Variants in CNTLN observed in about 807,000 individuals in gnomAD.
CNTLN encodes centlein.
A neutral mutation model predicts 180.0 loss-of-function variants in CNTLN; 212 were observed. The ratio of observed to expected loss-of-function variants is 1.18; its 90% CI spans 1.05 to 1.32. CNTLN has a LOEUF of 1.32. Among genes scored for constraint, CNTLN ranks in the 40% most tolerant of loss-of-function variants. The pLI is 0.00. For synonymous variants in CNTLN, 722 were observed against 563.1 expected, an observed-to-expected ratio of 1.28 and a Z score of -3.99; for missense variants, 2,095 against 1,610.9, an observed-to-expected ratio of 1.30 and a Z score of -5.14.
chr9:17,139,779 A>C (rs1226280936), intron 1 of CNTLN, among the ~76,000 whole-genome samples: 1 of 152,078 alleles, frequency 6.6e-6, no homozygotes, highest in Non-Finnish European at 1.5e-5. Context: ...ATCATGGCTC[A>C]TTGCAGCGTT....
downstream of CNTLN, among the ~76,000 whole-genome samples, chr9:17,504,378 A>G (rs1418713507): frequency 6.6e-6 from 1 of 152,204 alleles, no homozygotes; most frequent in Non-Finnish European, 1.5e-5. Flanking sequence ...TTACGACAGA[A>G]TTTTATTACA....
At chr9:17,369,153 G>A (rs910337447) in intron 13 of CNTLN, among the ~76,000 whole-genome samples, 3 of 152,092 alleles carry the variant, frequency 2.0e-5, no homozygotes, top group East Asian at 3.9e-4. Context: ...TCTCATGATA[G>A]TGAGTGAGTT....
intron 6 of CNTLN, among the ~76,000 whole-genome samples, chr9:17,274,453 A>G (rs901767480): frequency 7.2e-6 from 1 of 138,774 alleles, no homozygotes; most frequent in African/African-American, 2.7e-5. Context: ...TCATAGATCA[A>G]TATCTATCTA....
intron 2 of CNTLN, among the ~76,000 whole-genome samples, chr9:17,197,609 T>G (rs1414518886): frequency 1.3e-5 from 2 of 152,188 alleles, no homozygotes; most frequent in Non-Finnish European, 2.9e-5. Context: ...ATACAGTTGT[T>G]TGAGTTTCTT....
intron 2 of CNTLN, among the ~76,000 whole-genome samples, chr9:17,161,601 A>G (rs1043235468): frequency 1.3e-5 from 2 of 152,226 alleles, no homozygotes; most frequent in East Asian, 1.9e-4. Flanking sequence ...TGCCTTAGAC[A>G]CAAATTTCAT....
Position 17,462,981 on chromosome 9 carries a change from A to G in CNTLN, c.3372A>G (p.Ala1124=). Residue 1124 remains alanine (A), a synonymous_variant, in exon 20 of 26, where the codon GCA becomes GCG. Coordinates refer to ENST00000380647, the MANE Select transcript of CNTLN (RefSeq NM_017738.4). The part of the protein sequence containing the change: ...NVKTLKFELL[A]KEEHIKEMHE... The stretch of plus-strand genomic sequence containing the variant: ...AGACTTTGAAATTTGAACTCCTAGC[A>G]AAAGAAGAACACATAAAGGAAATGC... The G allele has an allele frequency of 6.3e-7, 1 of 1,586,326 alleles. No homozygotes were observed.
intron 10 of CNTLN, among the ~76,000 whole-genome samples, chr9:17,336,636 G>A (rs1347773413): frequency 6.6e-6 from 1 of 152,144 alleles, no homozygotes; most frequent in Non-Finnish European, 1.5e-5. Flanking sequence ...TAAGACTTAT[G>A]TAAACACTCT....
intron 5 of CNTLN, among the ~76,000 whole-genome samples, chr9:17,253,309 G>A (rs373619248): frequency 6.6e-6 from 1 of 151,606 alleles, no homozygotes; most frequent in Non-Finnish European, 1.5e-5. Context: ...TGTGAAAAAT[G>A]ATGTTGGTAG....
At chr9:17,409,183 G>C in intron 15 of CNTLN, 110 bp from the exon 16 acceptor site, 1 of 933,118 alleles carries the variant, frequency 1.1e-6, no homozygotes, top group Non-Finnish European at 1.6e-6. Context: ...CGTTAAACTT[G>C]CAGTTTTATA....
At chr9:17,206,441 G>A (rs1019293257) in intron 2 of CNTLN, among the ~76,000 whole-genome samples, 2 of 152,078 alleles carry the variant, frequency 1.3e-5, no homozygotes, top group African/African-American at 4.8e-5. Context: ...CCCAAGGAGG[G>A]GTTTGTGCCT....
At chr9:17,296,919 G>A (rs775521935) in intron 6 of CNTLN, among the ~76,000 whole-genome samples, 2 of 152,102 alleles carry the variant, frequency 1.3e-5, no homozygotes, top group South Asian at 2.1e-4. Flanking sequence ...AACTGTCTCC[G>A]TATCTCTTTT....
At chr9:17,422,801 G>T (rs1036505187) in intron 18 of CNTLN, among the ~76,000 whole-genome samples, 2 of 152,260 alleles carry the variant, frequency 1.3e-5, no homozygotes, top group Non-Finnish European at 1.5e-5. Context: ...GCATGAAAGT[G>T]TTAGGTATTT....
chr9:17,196,084 C>T (rs1381613340), intron 2 of CNTLN, among the ~76,000 whole-genome samples: 3 of 152,156 alleles, frequency 2.0e-5, no homozygotes, highest in East Asian at 1.9e-4. Context: ...AGTGCAGTGG[C>T]GCCATCTTAG....
chr9:17,525,931 C>CTATTTT, the CNTLN span, among the ~76,000 whole-genome samples: 28 of 152,092 alleles, frequency 1.8e-4, no homozygotes, highest in African/African-American at 6.7e-4. Flanking sequence ...ATTTATTTTT[C>CTATTTT]TATTTCTATT....
intron 6 of CNTLN, among the ~76,000 whole-genome samples, chr9:17,294,006 G>C (rs1242002294): frequency 6.6e-6 from 1 of 152,166 alleles, no homozygotes; most frequent in Admixed American, 6.5e-5. Context: ...GACCCTTGCG[G>C]TGAGTGTTAC....
intron 10 of CNTLN, among the ~76,000 whole-genome samples, chr9:17,340,230 G>A (rs1821367084): frequency 6.6e-6 from 1 of 152,116 alleles, no homozygotes; most frequent in Non-Finnish European, 1.5e-5. Context: ...TGTTTGGATG[G>A]CTTGTTTTAT....
chr9:17,200,638 G>A (rs1412127176), intron 2 of CNTLN, among the ~76,000 whole-genome samples: 1 of 152,046 alleles, frequency 6.6e-6, no homozygotes, highest in East Asian at 1.9e-4. Flanking sequence ...CTCTCTGCTT[G>A]TCTATTATTG....
chr9:17,140,554 C>T (rs374613121), intron 1 of CNTLN, among the ~76,000 whole-genome samples: 7 of 152,140 alleles, frequency 4.6e-5, no homozygotes, highest in Admixed American at 1.3e-4. Flanking sequence ...ATCGTCCCAC[C>T]CTCAGTCTCC....
At chr9:17,348,867 T>G (rs955609012) in intron 12 of CNTLN, among the ~76,000 whole-genome samples, 8 of 152,150 alleles carry the variant, frequency 5.3e-5, no homozygotes, top group African/African-American at 1.9e-4. Flanking sequence ...GGCTGCTTTT[T>G]GTTTTGTTTT....
Sources: gnomAD v4.1 joint callset for allele counts (sites outside exome capture counted in the v4.1 genomes callset) on GRCh38, gnomAD v4.1.1 for gene constraint, MANE v1.5 for transcripts, NCBI Gene and HGNC (gene_info 2026-07-23, HGNC 2026-07-21) for gene names.